The following EPS15L1 variants were observed in gnomAD, a reference collection of about 807,000 sequenced individuals.
EPS15L1 encodes epidermal growth factor receptor pathway substrate 15 like 1.
A neutral mutation model predicts 117.1 loss-of-function variants in EPS15L1; 43 were observed. The ratio of observed to expected loss-of-function variants is 0.37; its 90% CI spans 0.29 to 0.47. The LOEUF (loss-of-function observed/expected upper bound fraction) is 0.47. Among genes scored for constraint, EPS15L1 ranks in the 20% least tolerant of loss-of-function variants. EPS15L1 has a pLI of 0.99. For missense variants in EPS15L1, 981 were observed against 1,164.0 expected (o/e 0.84, Z 2.29); for synonymous variants, 459 against 470.5 (o/e 0.98, Z 0.32).
intron 12 of EPS15L1, among the ~76,000 whole-genome samples, chr19:16,414,712 G>GT (rs562460865): frequency 0.018 from 2,223 of 126,894 alleles, 31 homozygotes; most frequent in Admixed American, 0.039. Flanking sequence ...TTTTGGTTTT[G>GT]TTTTTTTTTT....
At chr19:16,413,213 G>C in intron 13 of EPS15L1, 1 of 646,056 alleles carries the variant, frequency 1.5e-6, no homozygotes. Context: ...GGGGGAACAA[G>C]ATCAGCAAAC....
At chr19:16,362,780 G>T (rs1404392301) in intron 22 of EPS15L1, among the ~76,000 whole-genome samples, 1 of 152,010 alleles carries the variant, frequency 6.6e-6, no homozygotes, top group African/African-American at 2.4e-5. Context: ...AAAGTGCTGG[G>T]ATTACAGGCA....
At chr19:16,359,649 C>T (rs546693330) in intron 23 of EPS15L1, among the ~76,000 whole-genome samples, 2 of 152,162 alleles carry the variant, frequency 1.3e-5, no homozygotes, top group African/African-American at 4.8e-5. Context: ...TCATTTGAGC[C>T]CAGAGTTCAA....
intron 1 of EPS15L1, among the ~76,000 whole-genome samples, chr19:16,470,260 G>A (rs2093336963): frequency 6.6e-6 from 1 of 152,088 alleles, no homozygotes; most frequent in Admixed American, 6.5e-5. Flanking sequence ...GGTAGCACGT[G>A]CCTGTAGTCC....
intron 1 of EPS15L1, among the ~76,000 whole-genome samples, chr19:16,453,555 T>C (rs2093166297): frequency 6.6e-6 from 1 of 151,826 alleles, no homozygotes; most frequent in Admixed American, 6.6e-5. Context: ...CCACTAAAAA[T>C]ACAAAAAATT....
rs772984184 is a variant in EPS15L1 at position 16,403,939 on chromosome 19, A to C, written c.1429-9T>G. 2 of 1,603,548 alleles carry C rather than the reference A, an allele frequency of 1.2e-6. No homozygotes were observed. Among genetic ancestry groups the C allele is most frequent in the Non-Finnish European group, 1.7e-6 (2 of 1,171,784 alleles). The stretch of plus-strand genomic sequence containing the variant: ...GTTTTCAGTGATGAGATCTGAAATG[A>C]GATGTTAAAAGATGTTAAAGAGATT... On this transcript the variant is annotated splice_polypyrimidine_tract_variant and intron_variant, in intron 14 of 23. Transcript: ENST00000455140.
At chr19:16,430,094 T>C (rs2145003694) in intron 7 of EPS15L1, among the ~76,000 whole-genome samples, 1 of 152,344 alleles carries the variant, frequency 6.6e-6, no homozygotes. Flanking sequence ...GAGGCCTCTG[T>C]GCCTTCACTC....
At chr19:16,391,686 T>A (rs1300368335) in intron 19 of EPS15L1, among the ~76,000 whole-genome samples, 1 of 150,490 alleles carries the variant, frequency 6.6e-6, no homozygotes, top group East Asian at 1.9e-4. Flanking sequence ...CTCTTGGGCA[T>A]AATATGCAAA....
rs932636335 is a variant in EPS15L1, at chr19:16,401,232, G to A, written c.1791+1089C>T. 5.1e-6 allele frequency: 5 copies of A among 985,430 alleles called. No individual in the cohort carries two copies. The South Asian group carries it at 2.3e-4, about 46-fold the overall frequency. 61.0% of individuals were successfully genotyped at this position (985,430 alleles called of 1,614,324 possible). ...CGGGGGCCAGACACAAGAGACAGAT[G>A]AGCTCGCCAGCAGTGCCTTCCCAGC... On this transcript the variant is annotated intron_variant, in intron 16 of 23. Transcript: ENST00000455140.
At chr19:16,446,241 T>C (rs1333703770) in intron 1 of EPS15L1, among the ~76,000 whole-genome samples, 1 of 152,258 alleles carries the variant, frequency 6.6e-6, no homozygotes, top group South Asian at 2.1e-4. Context: ...GGAGAAACTG[T>C]CTCAGGATTG....
intron 8 of EPS15L1, among the ~76,000 whole-genome samples, chr19:16,426,031 TGA>T (rs1382595337): frequency 6.6e-6 from 1 of 152,316 alleles, no homozygotes; most frequent in East Asian, 1.9e-4. Flanking sequence ...TGGAAGAGTC[TGA>T]GAGTCATGGG....
intron 1 of EPS15L1, among the ~76,000 whole-genome samples, chr19:16,450,396 AC>A (rs2093128255): frequency 6.7e-6 from 1 of 148,702 alleles, no homozygotes; most frequent in African/African-American, 2.5e-5. Context: ...CGCATGCCTT[AC>A]CCCTGTGTCA....
At chr19:16,401,791 A>G in intron 16 of EPS15L1, 1 of 985,838 alleles carries the variant, frequency 1.0e-6, no homozygotes, top group African/African-American at 1.7e-5. Flanking sequence ...CATAACCAAA[A>G]TTTCAGGAGA....
chr19:16,373,674 A>G (rs913317131), intron 22 of EPS15L1, among the ~76,000 whole-genome samples: 2 of 152,152 alleles, frequency 1.3e-5, no homozygotes, highest in Non-Finnish European at 2.9e-5. Context: ...CCGTGTGGCC[A>G]GGAACCGGGA....
In EPS15L1 at chr19:16,471,949, C is replaced by G; in HGVS notation, c.-4G>C. On this transcript the variant is annotated 5_prime_UTR_variant, in exon 1 of 24. Coordinates refer to ENST00000455140, the MANE Select transcript of EPS15L1 (RefSeq NM_001258374.3). The surrounding 1 kb of genome is among the most constrained non-coding windows in gnomAD (Gnocchi z 4.8). Reference sequence around the variant, plus strand: ...GGGGGATGAGCGGCGCCGCCATCTTCCCGCGGACTCGGGCTCCGAGCGCCG... The same window carrying G: ...GGGGGATGAGCGGCGCCGCCATCTTGCCGCGGACTCGGGCTCCGAGCGCCG... 3.9e-6 allele frequency: 5 copies of G among 1,287,594 alleles called. No individual in the cohort carries two copies. The highest frequency in any genetic ancestry group is 4.9e-6 in the Non-Finnish European group (5 of 1,018,320). 79.8% of individuals were successfully genotyped at this position (1,287,594 alleles called of 1,614,324 possible). A position where few individuals can be genotyped will look rare whatever the true frequency, so the allele number is the denominator to read the frequency against.
intron 19 of EPS15L1, among the ~76,000 whole-genome samples, chr19:16,391,477 G>A (rs779272123): frequency 3.3e-5 from 5 of 152,132 alleles, no homozygotes; most frequent in East Asian, 1.9e-4. Flanking sequence ...CGAGGTGGGC[G>A]CCAGGGTAGC....
intron 7 of EPS15L1, among the ~76,000 whole-genome samples, chr19:16,429,318 C>A (rs1220678778): frequency 6.6e-6 from 1 of 152,196 alleles, no homozygotes; most frequent in African/African-American, 2.4e-5. Context: ...ACGTGCAGAT[C>A]TCAAGCACCA....
At chr19:16,417,853 C>G (rs2092773934) in intron 11 of EPS15L1, 95 bp downstream of exon 11, 2 of 1,498,592 alleles carry the variant, frequency 1.3e-6, no homozygotes, top group Non-Finnish European at 9.0e-7. Context: ...AGGCAGCACC[C>G]GCCACCGTGG....
chr19:16,435,526 TA>T (rs2092970357), intron 6 of EPS15L1, among the ~76,000 whole-genome samples: 1 of 152,154 alleles, frequency 6.6e-6, no homozygotes. Context: ...TCAACCACAA[TA>T]AAAATTTTTT....
Sources: allele counts gnomAD v4.1 joint callset (sites outside exome capture counted in the v4.1 genomes callset), GRCh38; gene constraint gnomAD v4.1.1; non-coding constraint Gnocchi (gnomAD v3.1); transcripts MANE v1.5; gene names NCBI Gene and HGNC (gene_info 2026-07-23, HGNC 2026-07-21).